MYOF: variants seen among roughly 807,000 people sequenced by gnomAD.
MYOF encodes the protein myoferlin.
A neutral mutation model predicts 284.2 loss-of-function variants in MYOF; 244 were observed. The observed-to-expected ratio is 0.86, with a 90% CI of 0.77 to 0.95. MYOF has a LOEUF of 0.95. Among genes scored for constraint, MYOF ranks in the 40% least tolerant of loss-of-function variants. The pLI, the probability that MYOF is intolerant of heterozygous loss-of-function variation, is 0.00. For missense variants in MYOF, 2,496 were observed against 2,560.6 expected, an observed-to-expected ratio of 0.97 and a Z score of 0.54; for synonymous variants, 904 against 919.7, an observed-to-expected ratio of 0.98 and a Z score of 0.31.
intron 46 of MYOF, 108 bp from the exon 47 acceptor site, chr10:93,323,466 CTAATT>C: frequency 8.4e-6 from 8 of 954,392 alleles, no homozygotes; most frequent in Non-Finnish European, 1.2e-5. Flanking sequence ...TTTGGTCTCT[CTAATT>C]TATTAGTCCA....
At position 93,446,486 on chromosome 10, in the gene MYOF, C is replaced by G. The variant is rs528540079; in HGVS notation, c.236+5564G>C. On this transcript the variant is annotated intron_variant, in intron 3 of 53. Coordinates refer to ENST00000359263, the MANE Select transcript of MYOF (RefSeq NM_013451.4). ...AGCCACAGGACAGGTAAGTTTTGTA[C>G]AGGAAAAGAATTGGCAGAAGATGCA... Among the ~76,000 whole-genome samples the G allele has an allele frequency of 7.2e-5, 11 of 152,102 alleles. No homozygotes were observed. The East Asian group carries it at 2.1e-3, about 29-fold the overall frequency.
rs141151322 is a variant in MYOF, at chr10:93,475,863, G to A, written c.88+6244C>T. ...CAAGGCACGTTAATTAATTTTTTAA[G>A]GGCCATTGTAGCTTTATAGATGACT... On this transcript the variant is annotated intron_variant, in intron 1 of 53. Transcript: ENST00000359263. Among the ~76,000 whole-genome samples, 1,505 of 152,298 alleles carry A rather than the reference G, an allele frequency of 9.9e-3. 25 individuals are homozygous for A. The highest frequency in any genetic ancestry group is 0.035 in the African/African-American group (1,444 of 41,546).
intron 3 of MYOF, among the ~76,000 whole-genome samples, chr10:93,442,681 C>T (rs2056304562): frequency 1.3e-5 from 2 of 152,176 alleles, no homozygotes; most frequent in South Asian, 4.1e-4. Context: ...TGCACAAGTA[C>T]ATGTATTTGG....
chr10:93,413,300 G>A (rs1186466153), intron 5 of MYOF, among the ~76,000 whole-genome samples: 2 of 152,220 alleles, frequency 1.3e-5, no homozygotes, highest in African/African-American at 4.8e-5. Context: ...GTGACAGCCA[G>A]CCTCTGTGCC....
At chr10:93,389,580 A>G (rs543972283) in intron 17 of MYOF, among the ~76,000 whole-genome samples, 2 of 152,358 alleles carry the variant, frequency 1.3e-5, no homozygotes, top group East Asian at 1.9e-4. Flanking sequence ...AATCTTCAGT[A>G]GTTAGTATAA....
At chr10:93,474,099 C>A (rs1105340) in intron 1 of MYOF, among the ~76,000 whole-genome samples, 1 of 151,978 alleles carries the variant, frequency 6.6e-6, no homozygotes, top group Non-Finnish European at 1.5e-5. Flanking sequence ...CAGTGTGGCT[C>A]CCTTATCACT....
chr10:93,310,704 A>C (rs1842345195), intron 51 of MYOF, 61 bp from the exon 52 acceptor site: 1 of 1,476,730 alleles, frequency 6.8e-7, no homozygotes, highest in Non-Finnish European at 9.4e-7. Context: ...TTTTTACTTC[A>C]ACCCAAGGAG....
In MYOF at chr10:93,442,641, T is replaced by A. The variant is rs191309652; in HGVS notation, c.236+9409A>T. Reference sequence around the variant, plus strand: ...TGTTTCTAACTTTGTTCTGCATTGGTGTGGAAGTATATATAATGGTGGTTT... The same window carrying A: ...TGTTTCTAACTTTGTTCTGCATTGGAGTGGAAGTATATATAATGGTGGTTT... On this transcript the variant is annotated intron_variant, in intron 3 of 53. Transcript: ENST00000359263. Among the ~76,000 whole-genome samples, 14 of 152,268 alleles carry A rather than the reference T, an allele frequency of 9.2e-5. No individual in the cohort carries two copies. The East Asian group carries it at 2.7e-3, about 29-fold the overall frequency.
intron 3 of MYOF, among the ~76,000 whole-genome samples, chr10:93,449,544 G>A (rs1453432698): frequency 6.6e-6 from 1 of 152,182 alleles, no homozygotes; most frequent in Non-Finnish European, 1.5e-5. Context: ...TTGGGGTGGG[G>A]AATAAATAAT....
At position 93,392,386 on chromosome 10, in the gene MYOF, T is replaced by A. The variant is rs538519874; in HGVS notation, c.1456+531A>T. The stretch of plus-strand genomic sequence containing the variant: ...ACAAAAACATCTGCCCTAGGAGAAT[T>A]GTGATGGTCAAGTGTGTGACAGTAT... On this transcript the variant is annotated intron_variant, in intron 17 of 53. Coordinates refer to ENST00000359263, the MANE Select transcript of MYOF (RefSeq NM_013451.4). Among the ~76,000 whole-genome samples, 4 of 152,276 alleles carry A rather than the reference T, an allele frequency of 2.6e-5. No individual in the cohort carries two copies. In the South Asian group the frequency reaches 8.3e-4, roughly 32 times the overall value.
intron 19 of MYOF, among the ~76,000 whole-genome samples, chr10:93,387,056 C>T (rs892859837): frequency 5.3e-5 from 8 of 152,200 alleles, no homozygotes; most frequent in Non-Finnish European, 1.0e-4. Context: ...AGCCACATTT[C>T]GCAACCACGT....
intron 30 of MYOF, 125 bp from the exon 31 acceptor site, chr10:93,355,861 A>T (rs892421360): frequency 3.1e-6 from 2 of 655,500 alleles, no homozygotes; most frequent in Non-Finnish European, 5.2e-6. Context: ...TATCGTGCAA[A>T]CACCCCATTT....
At position 93,426,085 on chromosome 10, in the gene MYOF, A is replaced by ACGCTGGGCC. The variant is rs1226708901; in HGVS notation, c.410_418dup (p.Gly137_Ser139dup). The stretch of plus-strand genomic sequence containing the variant: ...GGTCAGCTTACCTCCCATGCCTGGC[A>ACGCTGGGCC]CGCTGGGCCCGCTCAGGTCATTTGG... On this transcript the variant is annotated inframe_insertion, in exon 5 of 54. Transcript: ENST00000359263. 4 of 1,556,508 alleles carry ACGCTGGGCC rather than the reference A, an allele frequency of 2.6e-6. No individual in the cohort carries two copies. The African/African-American group carries it at 4.1e-5, about 16-fold the overall frequency.
intron 29 of MYOF, among the ~76,000 whole-genome samples, chr10:93,357,400 C>A (rs1458388053): frequency 2.6e-5 from 4 of 151,990 alleles, no homozygotes; most frequent in Non-Finnish European, 5.9e-5. Flanking sequence ...ATTGATTTAC[C>A]AGTGGTATCA....
rs1334967097 is a variant in MYOF at position 93,457,802 on chromosome 10, C to G, written c.89-865G>C. On this transcript the variant is annotated intron_variant, in intron 1 of 53. Coordinates refer to ENST00000359263, the MANE Select transcript of MYOF (RefSeq NM_013451.4). ...AGGCTGGAGTATAGTGGCACTATTT[C>G]GGCTCACTGCAACCTCTGCCTCCCA... Among the ~76,000 whole-genome samples, 6 of 148,062 alleles carry G rather than the reference C, an allele frequency of 4.1e-5. No individual in the cohort carries two copies. The East Asian group carries it at 1.2e-3, about 30-fold the overall frequency.
rs368099572 is a variant in MYOF at position 93,349,871 on chromosome 10, C to T, written c.4020G>A (p.Ser1340=). 5.6e-6 allele frequency: 9 copies of T among 1,614,036 alleles called. No individual in the cohort carries two copies. The highest frequency in any genetic ancestry group is 2.7e-5 in the African/African-American group (2 of 74,992). ...VVECGGERVE[S]VVIKNLKKTP... ...TCTTCTTAAGGTTTTTGATCACCAC[C>T]GATTCCACCCTTTCTCCTCCACACT... is the stretch of plus-strand genomic sequence containing the variant. Residue 1340 remains serine (S), a synonymous_variant, in exon 36 of 54, where the codon TCG becomes TCA. Coordinates refer to ENST00000359263, the MANE Select transcript of MYOF (RefSeq NM_013451.4).
intron 7 of MYOF, among the ~76,000 whole-genome samples, chr10:93,408,361 A>T (rs1847720386): frequency 6.6e-6 from 1 of 152,046 alleles, no homozygotes; most frequent in Admixed American, 6.5e-5. Context: ...TGACCAACAT[A>T]GTGAAACCTC....
chr10:93,355,702 C>A lies in MYOF; in HGVS notation c.3329G>T (p.Ser1110Ile), dbSNP rs966416749. The change falls in exon 31 of 54, where the codon AGC becomes ATC. Residue 1110 changes from serine (S) to isoleucine (I), a missense_variant. Coordinates refer to ENST00000359263, the MANE Select transcript of MYOF (RefSeq NM_013451.4). ...GGCACTGTGCTTCTGTTTCTCCAGG[C>A]TCTTCTCATCCCCATCTTCGGTAGT... ...ADTTEDGDEK[S>I]LEKQKHSATT... 14 of 1,613,268 alleles carry A rather than the reference C, an allele frequency of 8.7e-6. No homozygotes were observed. The highest frequency in any genetic ancestry group is 1.2e-5 in the Non-Finnish European group (14 of 1,179,408).
At chr10:93,367,638 G>C (rs1380127219) in intron 25 of MYOF, among the ~76,000 whole-genome samples, 6 of 152,154 alleles carry the variant, frequency 3.9e-5, no homozygotes, top group African/African-American at 1.2e-4. Context: ...CATAGCCTTA[G>C]TAAAATCCAG....
Sources: allele counts gnomAD v4.1 joint callset (sites outside exome capture counted in the v4.1 genomes callset), GRCh38; gene constraint gnomAD v4.1.1; transcripts MANE v1.5; gene names NCBI Gene and HGNC (gene_info 2026-07-23, HGNC 2026-07-21).